Variants in SPIDR observed in about 807,000 individuals in gnomAD.
SPIDR encodes scaffold protein involved in DNA repair.
In SPIDR, 93 loss-of-function variants were observed where a neutral mutation model predicts 104.6. That is an observed-to-expected ratio of 0.89 (90% confidence interval 0.75 to 1.06). The LOEUF is 1.06. SPIDR is among the 50% of genes least tolerant of loss of function. The pLI, the probability that SPIDR is intolerant of heterozygous loss-of-function variation, is 0.00. For missense variants in SPIDR, 1,154 were observed against 1,111.2 expected (o/e 1.04, Z -0.55); for synonymous variants, 431 against 416.9 (o/e 1.03, Z -0.41).
intron 8 of SPIDR, among the ~76,000 whole-genome samples, chr8:47,536,692 T>G (rs772812798): frequency 6.6e-6 from 1 of 152,130 alleles, no homozygotes; most frequent in African/African-American, 2.4e-5. Context: ...CTAGATGACT[T>G]TAAGTTTGGC....
chr8:47,648,738 C>T (rs2071040801), intron 10 of SPIDR, among the ~76,000 whole-genome samples: 1 of 152,052 alleles, frequency 6.6e-6, no homozygotes, highest in African/African-American at 2.4e-5. Context: ...ATGATGGGGA[C>T]ATCAAAAAGA....
At chr8:47,499,534 G>A (rs910558613) in intron 8 of SPIDR, among the ~76,000 whole-genome samples, 1 of 151,664 alleles carries the variant, frequency 6.6e-6, no homozygotes, top group Admixed American at 6.6e-5. Flanking sequence ...CAAATGATAC[G>A]GCAGCATTTC....
chr8:47,515,263 G>A (rs554694413), intron 8 of SPIDR, among the ~76,000 whole-genome samples: 1 of 152,294 alleles, frequency 6.6e-6, no homozygotes, highest in East Asian at 1.9e-4. Context: ...CTATTTTGGT[G>A]CTTATGAGGA....
chr8:47,591,185 T>G (rs1588139549), intron 8 of SPIDR, among the ~76,000 whole-genome samples: 1 of 149,984 alleles, frequency 6.7e-6, no homozygotes, highest in East Asian at 1.9e-4. Flanking sequence ...TACTTTTTGT[T>G]TTCTTTGTTC....
chr8:47,357,986 CTCCA>C, intron 5 of SPIDR: 1 of 387,706 alleles, frequency 2.6e-6, no homozygotes, highest in Non-Finnish European at 3.5e-6. Flanking sequence ...AGTCTTTCCT[CTCCA>C]ACCTGGTGAG....
At chr8:47,625,919 C>T (rs182379963) in intron 10 of SPIDR, among the ~76,000 whole-genome samples, 8 of 152,248 alleles carry the variant, frequency 5.3e-5, no homozygotes, top group East Asian at 1.9e-4. Flanking sequence ...AAAAAGAGCC[C>T]GCATTGCCAA....
intron 7 of SPIDR, among the ~76,000 whole-genome samples, chr8:47,436,009 C>T (rs1334408183): frequency 6.6e-6 from 1 of 152,180 alleles, no homozygotes; most frequent in Non-Finnish European, 1.5e-5. Context: ...TTAATATGTT[C>T]CTTACCTATT....
chr8:47,345,320 A>G (rs1164250889), intron 5 of SPIDR, among the ~76,000 whole-genome samples: 23 of 152,208 alleles, frequency 1.5e-4, no homozygotes, highest in Middle Eastern at 3.4e-3. Flanking sequence ...CCATAGGTCT[A>G]TATCTCTGTT....
chr8:47,272,905 A>T (rs1042873671), intron 1 of SPIDR, among the ~76,000 whole-genome samples: 1 of 152,228 alleles, frequency 6.6e-6, no homozygotes, highest in South Asian at 2.1e-4. Flanking sequence ...CACAGTCTAC[A>T]TATGCAACAT....
Position 47,396,462 on chromosome 8 carries a change from C to G in SPIDR, c.612C>G (p.Ser204=). The change falls in exon 6 of 20, where the codon TCC becomes TCG. Residue 204 remains serine, a synonymous_variant. Transcript: ENST00000297423. ...LENVLLIDSE[S]PHKYHVQFAS... Reference sequence around the variant, plus strand: ...ATGTCCTACTCATTGATTCAGAATCCCCTCACAAATACCACGTGCAGTTTG... The same window carrying G: ...ATGTCCTACTCATTGATTCAGAATCGCCTCACAAATACCACGTGCAGTTTG... 6.2e-7 allele frequency: 1 copy of G among 1,613,684 alleles called. No individual in the cohort carries two copies. Among genetic ancestry groups the G allele is most frequent in the Non-Finnish European group, 8.5e-7 (1 of 1,179,898 alleles).
intron 8 of SPIDR, among the ~76,000 whole-genome samples, chr8:47,558,376 T>A (rs2091571495): frequency 6.6e-6 from 1 of 152,208 alleles, no homozygotes; most frequent in South Asian, 2.1e-4. Flanking sequence ...CACTGTTATA[T>A]AGTAGTTCTA....
At chr8:47,560,112 G>T (rs879327805) in intron 8 of SPIDR, among the ~76,000 whole-genome samples, 1 of 152,164 alleles carries the variant, frequency 6.6e-6, no homozygotes, top group Admixed American at 6.5e-5. Flanking sequence ...GAACTAAAGA[G>T]CATTTCATCA....
chr8:47,324,858 A>G (rs1225502191), intron 5 of SPIDR, among the ~76,000 whole-genome samples: 3 of 152,194 alleles, frequency 2.0e-5, no homozygotes, highest in African/African-American at 7.2e-5. Flanking sequence ...TCACAGTCCT[A>G]GAGGCTGGAA....
chr8:47,321,848 G>C (rs904694474), intron 5 of SPIDR, among the ~76,000 whole-genome samples: 1 of 152,108 alleles, frequency 6.6e-6, no homozygotes, highest in African/African-American at 2.4e-5. Context: ...ATGGGAAAAC[G>C]ATTCCCTATT....
At chr8:47,547,821 G>T (rs2089699817) in intron 8 of SPIDR, 2 of 175,230 alleles carry the variant, frequency 1.1e-5, no homozygotes. Flanking sequence ...TCAACTTGTG[G>T]GGACTGGGGG....
At chr8:47,692,454 G>T (rs1202109783) in intron 11 of SPIDR, among the ~76,000 whole-genome samples, 1 of 146,402 alleles carries the variant, frequency 6.8e-6, no homozygotes, top group East Asian at 2.0e-4. Flanking sequence ...TGTTTTTAAG[G>T]TCCATCCATG....
rs79918303 is a variant in SPIDR at position 47,685,509 on chromosome 8, A to ATTTTTT, written c.1685+11571_1685+11572insTTTTTT. Among the ~76,000 whole-genome samples, 500 of 106,904 alleles carry ATTTTTT rather than the reference A, an allele frequency of 4.7e-3. 20 individuals are homozygous for ATTTTTT. The highest frequency in any genetic ancestry group is 0.019 in the Admixed American group (185 of 9,842). 70.1% of individuals were successfully genotyped at this position (106,904 alleles called of 152,430 possible). A position where few individuals can be genotyped will look rare whatever the true frequency, so the allele number is the denominator to read the frequency against. On this transcript the variant is annotated intron_variant, in intron 11 of 19. Coordinates refer to ENST00000297423, the MANE Select transcript of SPIDR (RefSeq NM_001080394.4). ...TATTTATTTATTTATTTATTTATTT[A>ATTTTTT]TTTATTTATTTTTTTGAGACAGTCT...
chr8:47,508,857 T>A (rs2081893513), intron 8 of SPIDR, among the ~76,000 whole-genome samples: 1 of 152,114 alleles, frequency 6.6e-6, no homozygotes, highest in Non-Finnish European at 1.5e-5. Context: ...CTTTTTCTCC[T>A]CAAAAGTAGC....
chr8:47,533,066 A>G (rs2086285709), intron 8 of SPIDR, among the ~76,000 whole-genome samples: 1 of 152,354 alleles, frequency 6.6e-6, no homozygotes, highest in South Asian at 2.1e-4. Flanking sequence ...AAAATACAAC[A>G]TAACCAAATT....
Sources: gnomAD v4.1 joint callset for allele counts (sites outside exome capture counted in the v4.1 genomes callset) on GRCh38, gnomAD v4.1.1 for gene constraint, MANE v1.5 for transcripts, NCBI Gene and HGNC (gene_info 2026-07-23, HGNC 2026-07-21) for gene names.